IGSF10: variants seen among roughly 807,000 people sequenced by gnomAD.
The protein encoded by IGSF10 is immunoglobulin superfamily member 10, also known as calvaria mechanical force protein 608.
Under a neutral mutation model 128.2 loss-of-function variants are expected in IGSF10, and 126 were observed. The ratio of observed to expected loss-of-function variants is 0.98; its 90% CI spans 0.85 to 1.14. The LOEUF (loss-of-function observed/expected upper bound fraction) is 1.14. IGSF10 is among the 50% of genes most tolerant of loss of function. The pLI is 0.00. For missense variants in IGSF10, 3,295 were observed against 3,149.8 expected (o/e 1.05, Z -1.10); for synonymous variants, 1,185 against 1,146.2 (o/e 1.03, Z -0.68).
At chr3:151,518,099 C>T in the IGSF10 span, among the ~76,000 whole-genome samples, 4 of 151,956 alleles carry the variant, frequency 2.6e-5, no homozygotes, top group Non-Finnish European at 4.4e-5. Context: ...AAGCTGCCTA[C>T]TTATATATTT....
the IGSF10 span, among the ~76,000 whole-genome samples, chr3:151,513,678 A>C: frequency 6.6e-6 from 1 of 152,192 alleles, no homozygotes; most frequent in Non-Finnish European, 1.5e-5. Flanking sequence ...AGGAAGTCAA[A>C]CTGTCCCTGT....
chr3:151,437,527 T>G lies in IGSF10; in HGVS notation c.7034A>C (p.Glu2345Ala). The change falls in exon 8 of 8, where the codon GAA becomes GCA. Residue 2345 changes from glutamate (E) to alanine (A), a missense_variant. By Grantham distance (107) the Glu-to-Ala change is moderately radical. Coordinates refer to ENST00000282466, the MANE Select transcript of IGSF10 (RefSeq NM_178822.5). ...RRPTFRNPFN[E>A]KIVAQLGKST... ...CTTTCCCAGCTGGGCAACTATTTTT[T>G]CATTAAATGGATTTCTAAATGTCGG... 6.2e-7 allele frequency: 1 copy of G among 1,614,216 alleles called. No individual in the cohort carries two copies. The highest frequency in any genetic ancestry group is 1.1e-5 in the South Asian group (1 of 91,082).
the IGSF10 span, among the ~76,000 whole-genome samples, chr3:151,547,527 T>C: frequency 2.6e-5 from 4 of 152,064 alleles, no homozygotes; most frequent in Non-Finnish European, 5.9e-5. Flanking sequence ...TGTATTCTAT[T>C]AATATCATGT....
chr3:151,496,419 A>G, the IGSF10 span, among the ~76,000 whole-genome samples: 7 of 138,614 alleles, frequency 5.0e-5, no homozygotes, highest in African/African-American at 1.6e-4. Flanking sequence ...TCATTGTTCA[A>G]TTCCCTATGA....
intron 3 of IGSF10, among the ~76,000 whole-genome samples, chr3:151,457,755 G>C (rs1331420393): frequency 6.6e-6 from 1 of 152,190 alleles, no homozygotes. Flanking sequence ...CCCAATGCCA[G>C]CACCTACTGA....
chr3:151,608,126 C>T, the IGSF10 span, among the ~76,000 whole-genome samples: 1 of 152,010 alleles, frequency 6.6e-6, no homozygotes, highest in Non-Finnish European at 1.5e-5. Flanking sequence ...ATTTGACTCT[C>T]AAAAATCCTG....
At chr3:151,528,925 C>T in the IGSF10 span, among the ~76,000 whole-genome samples, 1 of 100,816 alleles carries the variant, frequency 9.9e-6, no homozygotes, top group African/African-American at 4.1e-5. Flanking sequence ...GTCCCACCCC[C>T]ATGGAGCCCA....
In IGSF10 at chr3:151,460,935, G is replaced by A. The variant is rs574663596; in HGVS notation, c.-89+11C>T. ...AGCCCTTTCCGGGGAAGGATTGGCC[G>A]AGGCGCTCACCTGTTTGCCCTGGTG... On this transcript the variant is annotated intron_variant, in intron 1 of 7. Coordinates refer to ENST00000282466, the MANE Select transcript of IGSF10 (RefSeq NM_178822.5). 2 of 985,212 alleles carry A rather than the reference G, an allele frequency of 2.0e-6. No individual in the cohort carries two copies. The highest frequency in any genetic ancestry group is 1.7e-5 in the African/African-American group (1 of 57,218). The allele number at this position is 985,212 out of a possible 1,614,324, so 61.0% of individuals were successfully genotyped here.
At chr3:151,575,226 C>G in the IGSF10 span, among the ~76,000 whole-genome samples, 1 of 137,748 alleles carries the variant, frequency 7.3e-6, no homozygotes, top group Admixed American at 7.0e-5. Context: ...AGTCTGTCCA[C>G]CATCCTGGGA....
chr3:151,491,879 A>C, the IGSF10 span, among the ~76,000 whole-genome samples: 3 of 151,810 alleles, frequency 2.0e-5, no homozygotes, highest in Non-Finnish European at 2.9e-5. Flanking sequence ...ATAAAAATTG[A>C]TATAAAAACC....
chr3:151,473,417 C>A, the IGSF10 span, among the ~76,000 whole-genome samples: 2 of 152,236 alleles, frequency 1.3e-5, no homozygotes, highest in South Asian at 4.1e-4. Context: ...CTTTTTCAAT[C>A]GATAACTTGA....
chr3:151,447,256 T>C lies in IGSF10; in HGVS notation c.2725A>G (p.Met909Val). Residue 909 changes from methionine to valine, a missense_variant, in exon 6 of 8, where the codon ATG (methionine) becomes GTG (valine). Physicochemically the swap from Met to Val is conservative, Grantham distance 21. Transcript: ENST00000282466. ...TGGAAATGCTCTCTTCCTCTTCCCATCTGGTCAGAGTCCTGAAATTCAGTT... is the reference window on the plus strand; with the variant it reads ...TGGAAATGCTCTCTTCCTCTTCCCACCTGGTCAGAGTCCTGAAATTCAGTT... Reference protein sequence around the residue: ...GATEFQDSDQMGRGREHFQSR... With the variant: ...GATEFQDSDQVGRGREHFQSR... The C allele has an allele frequency of 1.2e-6, 2 of 1,614,252 alleles. No individual in the cohort carries two copies. The highest frequency in any genetic ancestry group is 1.7e-6 in the Non-Finnish European group (2 of 1,180,038).
the IGSF10 span, among the ~76,000 whole-genome samples, chr3:151,467,900 G>A: frequency 4.7e-5 from 7 of 149,594 alleles, no homozygotes; most frequent in Non-Finnish European, 1.0e-4. Flanking sequence ...AAAGAAAAAA[G>A]AAAAAAGAAA....
chr3:151,554,263 A>C, the IGSF10 span, among the ~76,000 whole-genome samples: 1 of 152,162 alleles, frequency 6.6e-6, no homozygotes, highest in Non-Finnish European at 1.5e-5. Flanking sequence ...TTTTATTGGA[A>C]TAGCACTTTG....
chr3:151,464,348 A>G (rs775899505), upstream of IGSF10, among the ~76,000 whole-genome samples: 3 of 152,180 alleles, frequency 2.0e-5, no homozygotes, highest in Admixed American at 6.5e-5. Context: ...CAATAAATAT[A>G]CATCTTCTTC....
In IGSF10 at chr3:151,448,363, T is replaced by C. The variant is rs867341800; in HGVS notation, c.1618A>G (p.Met540Val). Residue 540 changes from methionine to valine, a missense_variant, in exon 6 of 8, where the codon ATG (methionine) becomes GTG (valine). By Grantham distance (21) the Met-to-Val change is conservative (BLOSUM62 1). Coordinates refer to ENST00000282466, the MANE Select transcript of IGSF10 (RefSeq NM_178822.5). ...IDKSGKLELQ[M>V]ADSFDTGVYH... ...ACGCCTGTGTCAAAACTATCAGCCA[T>C]CTGGAGTTCCAATTTTCCACTTTTG... 1.9e-6 allele frequency: 3 copies of C among 1,614,096 alleles called. No individual in the cohort carries two copies. Among genetic ancestry groups the C allele is most frequent in the African/African-American group, 2.7e-5 (2 of 74,944 alleles).
chr3:151,440,070 G>A (rs1720755608), intron 7 of IGSF10, among the ~76,000 whole-genome samples: 1 of 152,008 alleles, frequency 6.6e-6, no homozygotes, highest in African/African-American at 2.4e-5. Context: ...TCACTCTGGA[G>A]CCCAGGCTAG....
chr3:151,440,904 C>T (rs1218684678), intron 7 of IGSF10: 2 of 190,622 alleles, frequency 1.0e-5, no homozygotes, highest in African/African-American at 4.6e-5. Context: ...TGCATATTCC[C>T]CGGCTTTGGT....
At chr3:151,501,205 T>G in the IGSF10 span, among the ~76,000 whole-genome samples, 1 of 152,056 alleles carries the variant, frequency 6.6e-6, no homozygotes, top group Non-Finnish European at 1.5e-5. Flanking sequence ...GGACTTTTTA[T>G]TTTTTATTTT....
Sources: gnomAD v4.1 joint callset for allele counts (sites outside exome capture counted in the v4.1 genomes callset) on GRCh38, gnomAD v4.1.1 for gene constraint, MANE v1.5 for transcripts, NCBI Gene and HGNC (gene_info 2026-07-23, HGNC 2026-07-21) for gene names.